APBB2: variants seen among roughly 807,000 people sequenced by gnomAD.
The protein encoded by APBB2 is amyloid beta precursor protein binding family B member 2.
Under a neutral mutation model 82.5 loss-of-function variants are expected in APBB2, and 38 were observed. The observed-to-expected ratio is 0.46, with a 90% CI of 0.36 to 0.60. The LOEUF is 0.60. Ranked by LOEUF, APBB2 falls within the 20% of genes least tolerant of loss-of-function variation. APBB2 has a pLI of 0.00. For missense variants in APBB2, 772 were observed against 972.3 expected (o/e 0.79, Z 2.74); for synonymous variants, 341 against 368.2 (o/e 0.93, Z 0.85).
intron 12 of APBB2, among the ~76,000 whole-genome samples, chr4:40,843,391 A>G (rs1480156597): frequency 6.6e-6 from 1 of 152,162 alleles, no homozygotes; most frequent in African/African-American, 2.4e-5. Flanking sequence ...CCTGAGGCGG[A>G]ACAATGACCA....
intron 3 of APBB2, among the ~76,000 whole-genome samples, chr4:41,078,678 T>TC (rs1736495690): frequency 1.3e-5 from 2 of 152,188 alleles, no homozygotes; most frequent in African/African-American, 4.8e-5. Context: ...CCGTCTTAGT[T>TC]AAATAGAGTT....
chr4:41,092,152 G>GTC, intron 3 of APBB2, among the ~76,000 whole-genome samples: 1 of 152,214 alleles, frequency 6.6e-6, no homozygotes, highest in East Asian at 1.9e-4. Flanking sequence ...ACTAGAGTCT[G>GTC]TCTGCTGTTG....
At chr4:41,081,738 G>A (rs145780115) in intron 3 of APBB2, among the ~76,000 whole-genome samples, 129 of 152,128 alleles carry the variant, frequency 8.5e-4, no homozygotes, top group Non-Finnish European at 1.5e-3. Context: ...AAATCTCTAT[G>A]GGATTATATA....
chr4:41,089,233 C>A (rs575602396), intron 3 of APBB2, among the ~76,000 whole-genome samples: 1 of 152,228 alleles, frequency 6.6e-6, no homozygotes, highest in Admixed American at 6.5e-5. Flanking sequence ...ATATTCCTTA[C>A]CCAAAATGCT....
At chr4:41,011,819 G>A (rs6831125) in intron 6 of APBB2, among the ~76,000 whole-genome samples, 5,719 of 152,222 alleles carry the variant, frequency 0.038, 196 homozygotes, top group African/African-American at 0.097. Flanking sequence ...ACTGGGAAAG[G>A]GGGCTGGGGT....
chr4:41,013,198 C>T (rs546238729), intron 6 of APBB2, among the ~76,000 whole-genome samples: 1 of 152,244 alleles, frequency 6.6e-6, no homozygotes, highest in South Asian at 2.1e-4. Flanking sequence ...TTATATCCTT[C>T]CCCCAACAAC....
At chr4:41,041,730 T>C (rs182014110) in intron 4 of APBB2, among the ~76,000 whole-genome samples, 235 of 152,360 alleles carry the variant, frequency 1.5e-3, no homozygotes, top group African/African-American at 5.3e-3. Context: ...TACTCCATTC[T>C]GTGTTCTCCA....
chr4:40,955,382 A>G (rs1791343876), intron 6 of APBB2, among the ~76,000 whole-genome samples: 1 of 152,250 alleles, frequency 6.6e-6, no homozygotes, highest in Non-Finnish European at 1.5e-5. Flanking sequence ...TAAGGCGTAA[A>G]GCCCCACTGG....
intron 1 of APBB2, among the ~76,000 whole-genome samples, chr4:41,186,453 C>T (rs1289675712): frequency 6.6e-6 from 1 of 152,158 alleles, no homozygotes; most frequent in Non-Finnish European, 1.5e-5. Context: ...CTAAGACCTT[C>T]GGTTCTCAGC....
At chr4:40,987,393 G>A (rs1800675836) in intron 6 of APBB2, among the ~76,000 whole-genome samples, 1 of 152,116 alleles carries the variant, frequency 6.6e-6, no homozygotes, top group Admixed American at 6.5e-5. Flanking sequence ...AATCATCAGC[G>A]GGAAGGTTTG....
At chr4:40,860,374 G>A (rs1014735316) in intron 12 of APBB2, among the ~76,000 whole-genome samples, 1 of 152,152 alleles carries the variant, frequency 6.6e-6, no homozygotes, top group Non-Finnish European at 1.5e-5. Flanking sequence ...CTTTGGGGTG[G>A]AGCCTCAATA....
chr4:40,941,267 A>C (rs924538119), intron 7 of APBB2, among the ~76,000 whole-genome samples: 2 of 152,228 alleles, frequency 1.3e-5, no homozygotes, highest in African/African-American at 4.8e-5. Context: ...AATTGGTTGA[A>C]ATAGATTCTA....
intron 4 of APBB2, among the ~76,000 whole-genome samples, chr4:41,049,257 G>A (rs975699729): frequency 2.0e-5 from 3 of 149,644 alleles, no homozygotes; most frequent in African/African-American, 4.9e-5. Flanking sequence ...GGGAGGTGAG[G>A]AGCGTCTCTG....
intron 3 of APBB2, among the ~76,000 whole-genome samples, chr4:41,098,743 T>C (rs1744383273): frequency 2.0e-5 from 3 of 152,244 alleles, no homozygotes; most frequent in Admixed American, 1.3e-4. Flanking sequence ...AAAAGGCAGC[T>C]TATTTGAAAG....
At chr4:40,868,010 G>C (rs1013264966) in intron 12 of APBB2, among the ~76,000 whole-genome samples, 4 of 150,228 alleles carry the variant, frequency 2.7e-5, no homozygotes, top group African/African-American at 9.8e-5. Flanking sequence ...TAGGTCTACA[G>C]GTATACCGTG....
chr4:41,003,547 C>T (rs1805806416), intron 6 of APBB2, among the ~76,000 whole-genome samples: 1 of 151,980 alleles, frequency 6.6e-6, no homozygotes, highest in African/African-American at 2.4e-5. Context: ...GGGTAGGTCC[C>T]AAATCAAATG....
At chr4:40,967,167 G>A (rs1337006238) in intron 6 of APBB2, among the ~76,000 whole-genome samples, 1 of 152,174 alleles carries the variant, frequency 6.6e-6, no homozygotes, top group Non-Finnish European at 1.5e-5. Context: ...ACCTGGCTGT[G>A]GAGAGGAGCT....
chr4:40,881,537 T>TTC (rs1469367554), intron 12 of APBB2: 3 of 232,052 alleles, frequency 1.3e-5, no homozygotes, highest in South Asian at 1.9e-4. Context: ...TCTTTTTCTT[T>TTC]TTTTTTTTTT....
chr4:41,121,994 T>G (rs1222650574), intron 2 of APBB2, among the ~76,000 whole-genome samples: 1 of 152,092 alleles, frequency 6.6e-6, no homozygotes, highest in Non-Finnish European at 1.5e-5. Context: ...TGGCCCCATC[T>G]CGACTCACTG....
Sources: gnomAD v4.1 joint callset for allele counts (sites outside exome capture counted in the v4.1 genomes callset) on GRCh38, gnomAD v4.1.1 for gene constraint, MANE v1.5 for transcripts, NCBI Gene and HGNC (gene_info 2026-07-23, HGNC 2026-07-21) for gene names.